Variants in EIPR1 observed in about 807,000 individuals in gnomAD.
EIPR1 encodes EARP complex and GARP complex interacting protein 1, also known as EARP and GARP complex-interacting protein 1.
Under a neutral mutation model 48.1 loss-of-function variants are expected in EIPR1, and 25 were observed. The observed-to-expected ratio is 0.52, with a 90% confidence interval of 0.38 to 0.73. The LOEUF is 0.73. EIPR1 is among the 30% of genes least tolerant of loss of function. The pLI is 0.00. For missense variants in EIPR1, 415 were observed against 506.2 expected (o/e 0.82, Z 1.73); for synonymous variants, 204 against 201.9 (o/e 1.01, Z -0.09).
intron 3 of EIPR1, among the ~76,000 whole-genome samples, chr2:3,263,358 A>G (rs927656768): frequency 6.6e-6 from 1 of 152,216 alleles, no homozygotes; most frequent in African/African-American, 2.4e-5. Context: ...TGGCAAGGTG[A>G]TGCCTGGAGC....
In EIPR1 at chr2:3,288,111, T is replaced by C. The variant is rs567821736; in HGVS notation, c.260-30656A>G. 5.9e-5 allele frequency among the ~76,000 whole-genome samples: 9 copies of C among 152,318 alleles called. No individual in the cohort carries two copies. In the South Asian group the frequency reaches 1.9e-3, roughly 32 times the overall value. On this transcript the variant is annotated intron_variant, in intron 3 of 8. Transcript: ENST00000382125. The stretch of plus-strand genomic sequence containing the variant: ...GTGGCATCCTGATGCGGTGGCGTCA[T>C]GGCAGATGAGAGCAGCGGGTGGGGC...
At position 3,196,956 on chromosome 2, in the gene EIPR1, C is replaced by T. The variant is rs749731525; in HGVS notation, c.578G>A (p.Ser193Asn). 2 of 1,613,938 alleles carry T rather than the reference C, an allele frequency of 1.2e-6. No homozygotes were observed. The highest frequency in any genetic ancestry group is 1.7e-6 in the Non-Finnish European group (2 of 1,180,050). The change falls in exon 6 of 9, where the codon AGC (serine) becomes AAC (asparagine). Residue 193 changes from serine (S) to asparagine (N), a missense_variant. Physicochemically the swap from Ser to Asn is conservative, Grantham distance 46. Coordinates refer to ENST00000382125, the MANE Select transcript of EIPR1 (RefSeq NM_003310.5). ...GQLKFTSGRW[S>N]PHHNCTQVAT... is the part of the protein sequence containing the mutation. ...CACCTGGGTGCAGTTATGATGTGGG[C>T]TCCACCGTCCTGAGGTGAACTTCAG... is the stretch of plus-strand genomic sequence containing the variant.
intron 3 of EIPR1, among the ~76,000 whole-genome samples, chr2:3,277,252 G>C (rs1452617319): frequency 1.3e-5 from 2 of 151,388 alleles, no homozygotes; most frequent in Non-Finnish European, 2.9e-5. Flanking sequence ...CCCCACACCT[G>C]TCTCCACCCA....
chr2:3,201,354 T>A (rs1665028878), intron 5 of EIPR1, among the ~76,000 whole-genome samples: 1 of 152,182 alleles, frequency 6.6e-6, no homozygotes, highest in African/African-American at 2.4e-5. Flanking sequence ...GGGGGGATGT[T>A]AACAAAAGAG....
intron 4 of EIPR1, among the ~76,000 whole-genome samples, chr2:3,245,946 C>T (rs1666780239): frequency 6.6e-6 from 1 of 152,154 alleles, no homozygotes; most frequent in Non-Finnish European, 1.5e-5. Flanking sequence ...TAAAAATTAG[C>T]CAGGCATGGT....
At chr2:3,338,337 G>A (rs577019196) in intron 2 of EIPR1, among the ~76,000 whole-genome samples, 188 bp from the exon 3 acceptor site, 1 of 152,204 alleles carries the variant, frequency 6.6e-6, no homozygotes, top group Non-Finnish European at 1.5e-5. Flanking sequence ...CCAAAGACAA[G>A]TTAGAAAATC....
At chr2:3,285,446 C>A (rs1005987306) in intron 3 of EIPR1, among the ~76,000 whole-genome samples, 2 of 152,026 alleles carry the variant, frequency 1.3e-5, no homozygotes, top group African/African-American at 4.8e-5. Context: ...AGGCTCAGGG[C>A]CAATTAAACA....
In EIPR1 at chr2:3,194,044, C is replaced by T. The variant is rs773500738; in HGVS notation, c.776G>A (p.Arg259Gln). The change falls in exon 7 of 9, where the codon CGA (arginine) becomes CAA (glutamine). Residue 259 changes from arginine to glutamine, a missense_variant. Transcript: ENST00000382125. Reference protein sequence around the residue: ...DDCKVKFWDTRNVTEPVKTLE... With the variant: ...DDCKVKFWDTQNVTEPVKTLE... ...GGTCTTCACGGGTTCGGTGACATTT[C>T]GGGTGTCCCAGAACTTCACCTTACA... 4 of 1,613,864 alleles carry T rather than the reference C, an allele frequency of 2.5e-6. No individual in the cohort carries two copies. Among genetic ancestry groups the T allele is most frequent in the African/African-American group, 1.3e-5 (1 of 75,032 alleles).
intron 3 of EIPR1, among the ~76,000 whole-genome samples, chr2:3,300,453 C>T (rs1342751182): frequency 6.6e-6 from 1 of 152,166 alleles, no homozygotes; most frequent in Non-Finnish European, 1.5e-5. Context: ...TCTTACAGTG[C>T]CTTCATCATT....
intron 3 of EIPR1, among the ~76,000 whole-genome samples, chr2:3,278,368 G>A (rs568351571): frequency 6.6e-6 from 1 of 152,284 alleles, no homozygotes; most frequent in East Asian, 1.9e-4. Flanking sequence ...CCTCCTCCAA[G>A]CTACCACTTC....
chr2:3,199,134 T>G (rs1664923304), intron 5 of EIPR1, among the ~76,000 whole-genome samples: 1 of 146,638 alleles, frequency 6.8e-6, no homozygotes, highest in South Asian at 2.2e-4. Context: ...GGGGAAAGAA[T>G]TCAGCGATAT....
At chr2:3,342,415 T>A (rs141025942) in intron 2 of EIPR1, among the ~76,000 whole-genome samples, 8 of 152,386 alleles carry the variant, frequency 5.2e-5, no homozygotes, top group Admixed American at 1.3e-4. Context: ...AAAACAGGGA[T>A]GCGCTTAAAT....
chr2:3,300,648 G>GA (rs935295904), intron 3 of EIPR1, among the ~76,000 whole-genome samples: 267 of 144,048 alleles, frequency 1.9e-3, no homozygotes, highest in South Asian at 5.0e-3. Context: ...CCATTTCCAT[G>GA]AAAAAAAAAA....
intron 2 of EIPR1, among the ~76,000 whole-genome samples, chr2:3,353,914 A>T (rs1383765192): frequency 6.6e-6 from 1 of 152,180 alleles, no homozygotes; most frequent in Non-Finnish European, 1.5e-5. Context: ...ACATTTTCCC[A>T]GTGTCAAAGA....
rs1195077186 is a variant in EIPR1 at position 3,352,489 on chromosome 2, T to G, written c.126+2061A>C. ...ATCAGCATATCCATGCTACAGAAGC[T>G]ACCTGCCCCTGAGCCACCCACACTG... On this transcript the variant is annotated intron_variant, in intron 2 of 8. Coordinates refer to ENST00000382125, the MANE Select transcript of EIPR1 (RefSeq NM_003310.5). Among the ~76,000 whole-genome samples the G allele has an allele frequency of 2.7e-3, 339 of 127,582 alleles. No homozygotes were observed. In the Middle Eastern group the frequency reaches 0.035, roughly 13 times the overall value. 83.7% of individuals were successfully genotyped at this position (127,582 alleles called of 152,430 possible).
Position 3,271,851 on chromosome 2 carries a change from TCTC to T in EIPR1, c.260-14399_260-14397del, listed in dbSNP as rs557316764. On this transcript the variant is annotated intron_variant, in intron 3 of 8. Transcript: ENST00000382125. ...AAAGCTTTGAAGCCAAGCTTTGACT[TCTC>T]CTCTTTTGCTATGAAAGTCCTAGAT... Among the ~76,000 whole-genome samples the T allele has an allele frequency of 1.4e-3, 216 of 152,328 alleles. 1 individual carries two copies. The highest frequency in any genetic ancestry group is 5.0e-3 in the African/African-American group (207 of 41,572).
chr2:3,255,295 G>A (rs1667120797), intron 4 of EIPR1, among the ~76,000 whole-genome samples: 1 of 151,540 alleles, frequency 6.6e-6, no homozygotes, highest in Non-Finnish European at 1.5e-5. Flanking sequence ...TGATTCTTCT[G>A]CCTCAGCTGC....
chr2:3,355,320 C>T (rs566247448), intron 1 of EIPR1, among the ~76,000 whole-genome samples: 57 of 152,310 alleles, frequency 3.7e-4, no homozygotes, highest in African/African-American at 1.3e-3. Context: ...CACAGGTGTA[C>T]AGCCCAGGAG....
chr2:3,296,064 CCT>C (rs1398670843), intron 3 of EIPR1, among the ~76,000 whole-genome samples: 2 of 125,844 alleles, frequency 1.6e-5, no homozygotes, highest in Non-Finnish European at 3.3e-5. Flanking sequence ...ATGCAGCCCT[CCT>C]CTCTCTGCAC....
Sources: gnomAD v4.1 joint callset for allele counts (sites outside exome capture counted in the v4.1 genomes callset) on GRCh38, gnomAD v4.1.1 for gene constraint, MANE v1.5 for transcripts, NCBI Gene and HGNC (gene_info 2026-07-23, HGNC 2026-07-21) for gene names.